The following NUDT4 variants were observed in gnomAD, a reference collection of about 807,000 sequenced individuals.
NUDT4 encodes the protein diphosphoinositol polyphosphate phosphohydrolase 2.
Under a neutral mutation model 23.1 loss-of-function variants are expected in NUDT4, and 5 were observed. The ratio of observed to expected loss-of-function variants is 0.22; its 90% CI spans 0.11 to 0.46. NUDT4 has a LOEUF of 0.46. Among genes scored for constraint, NUDT4 ranks in the 20% least tolerant of loss-of-function variants. NUDT4 has a pLI of 0.99. For missense variants in NUDT4, 96 were observed against 211.6 expected (o/e 0.45, Z 3.39); for synonymous variants, 50 against 79.0 (o/e 0.63, Z 1.95).
At chr12:93,380,896 A>C (rs1875615179) in intron 1 of NUDT4, 1 of 152,244 alleles carries the variant, frequency 6.6e-6, no homozygotes, top group Non-Finnish European at 1.5e-5. Context: ...TCCTGGTTAG[A>C]AGATTTAAAT....
intron 1 of NUDT4, among the ~76,000 whole-genome samples, chr12:93,380,356 A>G (rs751124694): frequency 4.6e-5 from 7 of 152,384 alleles, no homozygotes; most frequent in South Asian, 2.1e-4. Context: ...TACTTTAGCA[A>G]TAAAAATAAA....
In NUDT4 at chr12:93,397,769, C is replaced by G. The variant is rs913560524; in HGVS notation, c.256-1002C>G. The stretch of plus-strand genomic sequence containing the variant: ...CGAACTCCTGACCTCAAGTGATCTG[C>G]CCGCCTTGGCCTCCCAAAGTACTGG... On this transcript the variant is annotated intron_variant, in intron 3 of 4. Coordinates refer to ENST00000415493, the MANE Select transcript of NUDT4 (RefSeq NM_019094.6). 2.6e-5 allele frequency among the ~76,000 whole-genome samples: 4 copies of G among 152,210 alleles called. 1 individual carries two copies. The highest frequency in any genetic ancestry group is 1.9e-4 in the East Asian group (1 of 5,158).
Position 93,377,972 on chromosome 12 carries a change from C to T in NUDT4, c.-351C>T, listed in dbSNP as rs1283876890. On this transcript the variant is annotated 5_prime_UTR_variant, in exon 1 of 5. Coordinates refer to ENST00000415493, the MANE Select transcript of NUDT4 (RefSeq NM_019094.6). Reference sequence around the variant, plus strand: ...AGTGGGAGCGGGTCTTCGCAACTGTCTCCGCGTGGCGCGCGCCTCTAGCCG... The same window carrying T: ...AGTGGGAGCGGGTCTTCGCAACTGTTTCCGCGTGGCGCGCGCCTCTAGCCG... 2 of 241,524 alleles carry T rather than the reference C, an allele frequency of 8.3e-6. No individual in the cohort carries two copies. Among genetic ancestry groups the T allele is most frequent in the African/African-American group, 2.4e-5 (1 of 42,450 alleles). The allele number at this position is 241,524 out of a possible 1,614,324, so 15.0% of individuals were successfully genotyped here.
rs199570652 is a variant in NUDT4 at position 93,382,279 on chromosome 12, A to C, written c.99+3858A>C. 3.7e-3 allele frequency among the ~76,000 whole-genome samples: 557 copies of C among 148,694 alleles called. 7 individuals are homozygous for C. Among genetic ancestry groups the C allele is most frequent in the East Asian group, 0.031 (159 of 5,080 alleles). On this transcript the variant is annotated intron_variant, in intron 1 of 4. Transcript: ENST00000415493. Reference sequence around the variant, plus strand: ...ACCCTGCCTGCAAAAAAAAAAAAAAAAACAACAAAAAAAACCACTACTCTT... The same window carrying C: ...ACCCTGCCTGCAAAAAAAAAAAAAACAACAACAAAAAAAACCACTACTCTT...
intron 1 of NUDT4, 61 bp downstream of exon 1, chr12:93,378,482 T>TC: frequency 2.8e-6 from 4 of 1,423,366 alleles, no homozygotes; most frequent in Non-Finnish European, 3.7e-6. Flanking sequence ...CCCGGGTGCT[T>TC]CCCCTCGCTC....
chr12:93,405,158 A>G lies in NUDT4; in HGVS notation c.*5779A>G, dbSNP rs576113373. Reference sequence around the variant, plus strand: ...AAGTTCAATCTAGTGCAATCAGCCTATCACATCTAAGCTGCTTTTGCCAGA... The same window carrying G: ...AAGTTCAATCTAGTGCAATCAGCCTGTCACATCTAAGCTGCTTTTGCCAGA... On this transcript the variant is annotated 3_prime_UTR_variant, in exon 5 of 5. Coordinates refer to ENST00000415493, the MANE Select transcript of NUDT4 (RefSeq NM_019094.6). The G allele has an allele frequency of 6.6e-6, 1 of 152,332 alleles. No homozygotes were observed. The highest frequency in any genetic ancestry group is 1.5e-5 in the Non-Finnish European group (1 of 68,030). 9.4% of individuals were successfully genotyped at this position (152,332 alleles called of 1,614,324 possible).
At chr12:93,381,128 C>G (rs541333932) in intron 1 of NUDT4, 38 of 152,230 alleles carry the variant, frequency 2.5e-4, no homozygotes, top group African/African-American at 8.9e-4. Context: ...AAATATTTTC[C>G]ATTTTATCTT....
rs1243260305 is a variant in NUDT4, at chr12:93,406,344, C to G, written c.*6965C>G. On this transcript the variant is annotated 3_prime_UTR_variant, in exon 5 of 5. Transcript: ENST00000415493. Reference sequence around the variant, plus strand: ...TTCAACAGAAAAATGAGGCCTATTCCTATCATTTCCTCGATCCAATTTAGT... The same window carrying G: ...TTCAACAGAAAAATGAGGCCTATTCGTATCATTTCCTCGATCCAATTTAGT... 7.0e-6 allele frequency: 1 copy of G among 143,356 alleles called. No individual in the cohort carries two copies. The highest frequency in any genetic ancestry group is 2.1e-4 in the East Asian group (1 of 4,678). The allele number at this position is 143,356 out of a possible 1,614,324, so 8.9% of individuals were successfully genotyped here.
chr12:93,384,751 A>G (rs1206602643), intron 1 of NUDT4, among the ~76,000 whole-genome samples: 1 of 151,706 alleles, frequency 6.6e-6, no homozygotes, highest in Non-Finnish European at 1.5e-5. Flanking sequence ...CCTGTTGACT[A>G]CTGTCAATAC....
chr12:93,378,226 C>T lies in NUDT4; in HGVS notation c.-97C>T, dbSNP rs1259317190. On this transcript the variant is annotated 5_prime_UTR_variant, in exon 1 of 5. Coordinates refer to ENST00000415493, the MANE Select transcript of NUDT4 (RefSeq NM_019094.6). ...TAGCGCTCCCGGGCGCTCCTGCGCCCGACTCGCCCTCGCCCCCACTCCCCG... is the reference window on the plus strand; with the variant it reads ...TAGCGCTCCCGGGCGCTCCTGCGCCTGACTCGCCCTCGCCCCCACTCCCCG... The T allele has an allele frequency of 8.5e-6, 4 of 472,186 alleles. No homozygotes were observed. Among genetic ancestry groups the T allele is most frequent in the Non-Finnish European group, 1.4e-5 (4 of 277,892 alleles). 29.2% of individuals were successfully genotyped at this position (472,186 alleles called of 1,614,324 possible).
chr12:93,388,348 AT>A (rs1876247483), intron 1 of NUDT4, among the ~76,000 whole-genome samples: 1 of 152,250 alleles, frequency 6.6e-6, no homozygotes, highest in African/African-American at 2.4e-5. Flanking sequence ...TGAGCATTCT[AT>A]GTGACTGTAT....
At chr12:93,397,430 G>C (rs1877010560) in intron 3 of NUDT4, among the ~76,000 whole-genome samples, 1 of 152,044 alleles carries the variant, frequency 6.6e-6, no homozygotes, top group Non-Finnish European at 1.5e-5. Flanking sequence ...CTAAAGTCGT[G>C]GACTATGGCA....
intron 1 of NUDT4, 32 bp downstream of exon 1, chr12:93,378,453 G>C: frequency 1.3e-6 from 2 of 1,521,658 alleles, no homozygotes; most frequent in South Asian, 1.2e-5. Context: ...GCTGCCCTCC[G>C]GGGCGCCGGG....
intron 1 of NUDT4, 107 bp from the exon 2 acceptor site, chr12:93,394,502 A>G: frequency 1.7e-6 from 1 of 584,214 alleles, no homozygotes. Flanking sequence ...AAATTTTAAA[A>G]TATTTTAATC....
At position 93,406,318 on chromosome 12, in the gene NUDT4, A is replaced by C. The variant is rs531594280; in HGVS notation, c.*6939A>C. On this transcript the variant is annotated 3_prime_UTR_variant, in exon 5 of 5. Coordinates refer to ENST00000415493, the MANE Select transcript of NUDT4 (RefSeq NM_019094.6). ...AAAAAAAAAAAAAGGTTCCTGAACCATTCAACAGAAAAATGAGGCCTATTC... is the reference window on the plus strand; with the variant it reads ...AAAAAAAAAAAAAGGTTCCTGAACCCTTCAACAGAAAAATGAGGCCTATTC... 6.3e-5 allele frequency: 9 copies of C among 143,038 alleles called. No homozygotes were observed. Among genetic ancestry groups the C allele is most frequent in the Admixed American group, 2.1e-4 (3 of 14,052 alleles). 8.9% of individuals were successfully genotyped at this position (143,038 alleles called of 1,614,324 possible). A position where few individuals can be genotyped will look rare whatever the true frequency, so the allele number is the denominator to read the frequency against.
intron 1 of NUDT4, among the ~76,000 whole-genome samples, chr12:93,386,749 A>G (rs1229907397): frequency 6.6e-6 from 1 of 152,160 alleles, no homozygotes; most frequent in Non-Finnish European, 1.5e-5. Flanking sequence ...TGACTATACT[A>G]GATATTTTCA....
chr12:93,391,692 G>A (rs1876517862), intron 1 of NUDT4, among the ~76,000 whole-genome samples: 1 of 152,090 alleles, frequency 6.6e-6, no homozygotes, highest in East Asian at 1.9e-4. Context: ...AGCAGAGATT[G>A]TGTCACTGCA....
chr12:93,387,602 AGTT>A (rs1466520397), intron 1 of NUDT4, among the ~76,000 whole-genome samples: 12 of 152,200 alleles, frequency 7.9e-5, no homozygotes, highest in Admixed American at 7.9e-4. Flanking sequence ...TTGCCTAAAA[AGTT>A]GTTAGTGTCC....
intron 1 of NUDT4, among the ~76,000 whole-genome samples, chr12:93,387,716 T>A (rs920241482): frequency 3.3e-5 from 5 of 152,186 alleles, no homozygotes; most frequent in African/African-American, 1.2e-4. Flanking sequence ...CGCTTCCAAG[T>A]GCATGACAGA....
Sources: allele counts gnomAD v4.1 joint callset (sites outside exome capture counted in the v4.1 genomes callset), GRCh38; gene constraint gnomAD v4.1.1; transcripts MANE v1.5; gene names NCBI Gene and HGNC (gene_info 2026-07-23, HGNC 2026-07-21).